The following MMP14 variants were observed in gnomAD, a reference collection of about 807,000 sequenced individuals.
MMP14 encodes the protein matrix metalloproteinase-14.
In MMP14, 13 loss-of-function variants were observed where a neutral mutation model predicts 64.8. The observed-to-expected ratio is 0.20, with a 90% CI of 0.13 to 0.32. The LOEUF (loss-of-function observed/expected upper bound fraction) is 0.32. Ranked by LOEUF, MMP14 falls within the 10% of genes least tolerant of loss-of-function variation. MMP14 has a pLI of 1.00. For missense variants in MMP14, 594 were observed against 783.8 expected, an observed-to-expected ratio of 0.76 and a Z score of 2.89; for synonymous variants, 322 against 315.9, an observed-to-expected ratio of 1.02 and a Z score of -0.20.
intron 6 of MMP14, 135 bp downstream of exon 6, chr14:22,844,005 G>A (rs1226341160): frequency 2.6e-6 from 3 of 1,147,112 alleles, no homozygotes; most frequent in South Asian, 1.4e-5. Flanking sequence ...AGAGCAGGCT[G>A]GCCAACATAG....
In MMP14 at chr14:22,844,642, G is replaced by A. The variant is rs1407824806; in HGVS notation, c.1163G>A (p.Trp388Ter). 6.2e-7 allele frequency: 1 copy of A among 1,613,976 alleles called. No individual in the cohort carries two copies. Among genetic ancestry groups the A allele is most frequent in the East Asian group, 2.2e-5 (1 of 44,886 alleles). ...KFVFFKGDKH[W>*]VFDEASLEPG... Reference sequence around the variant, plus strand: ...CTGTCCTCCCCAGGAGACAAGCATTGGGTGTTTGATGAGGCGTCCCTGGAA... The same window carrying A: ...CTGTCCTCCCCAGGAGACAAGCATTAGGTGTTTGATGAGGCGTCCCTGGAA... Residue 388 changes from tryptophan to a stop codon, truncating the protein, a stop_gained, in exon 8 of 10, where the codon TGG becomes TAG. Coordinates refer to ENST00000311852, the MANE Select transcript of MMP14 (RefSeq NM_004995.4). LOFTEE classifies it high-confidence loss of function.
rs1202609430 is a variant in MMP14, at chr14:22,845,916, G to T, written c.1626G>T (p.Val542=). 2 of 1,608,260 alleles carry T rather than the reference G, an allele frequency of 1.2e-6. No individual in the cohort carries two copies. The highest frequency in any genetic ancestry group is 1.7e-6 in the Non-Finnish European group (2 of 1,177,166). Residue 542 remains valine (V), a synonymous_variant, in exon 10 of 10, where the codon GTG becomes GTT. Transcript: ENST00000311852. ...EGGGAVSAAA[V]VLPVLLLLLV... ...GCGGGGCGGTGAGCGCGGCTGCCGT[G>T]GTGCTGCCCGTGCTGCTGCTGCTCC...
At chr14:22,845,643 C>A in intron 9 of MMP14, 65 bp from the exon 10 acceptor site, 3 of 1,525,692 alleles carry the variant, frequency 2.0e-6, no homozygotes, top group Admixed American at 1.7e-5. Context: ...GAGCTTCCCT[C>A]GCTCCTCTCC....
Position 22,843,664 on chromosome 14 carries a change from C to G in MMP14, c.851-46C>G, listed in dbSNP as rs2039789573. Reference sequence around the variant, plus strand: ...TGCCCATCTGTCTGTCCTTCCGTCCCCGCCTCCTCCTAAGTCTGAAATGCC... The same window carrying G: ...TGCCCATCTGTCTGTCCTTCCGTCCGCGCCTCCTCCTAAGTCTGAAATGCC... On this transcript the variant is annotated intron_variant, in intron 5 of 9. Coordinates refer to ENST00000311852, the MANE Select transcript of MMP14 (RefSeq NM_004995.4). The surrounding 1 kb of genome is among the most constrained non-coding windows in gnomAD (Gnocchi z 4.8). 1 of 1,561,352 alleles carries G rather than the reference C, an allele frequency of 6.4e-7. No individual in the cohort carries two copies. Among genetic ancestry groups the G allele is most frequent in the Non-Finnish European group, 8.7e-7 (1 of 1,155,020 alleles).
rs556604210 is a variant in MMP14, at chr14:22,839,452, G to T, written c.109-2039G>T. On this transcript the variant is annotated intron_variant, in intron 1 of 9. Transcript: ENST00000311852. ...CTTGGCTCCCTCTGGTATACCAAAG[G>T]TTAAATGTCACTCCTTCCTCTACCC... is the stretch of plus-strand genomic sequence containing the variant. Among the ~76,000 whole-genome samples the T allele has an allele frequency of 9.2e-5, 14 of 152,354 alleles. No homozygotes were observed. The South Asian group carries it at 2.9e-3, about 32-fold the overall frequency.
Position 22,845,898 on chromosome 14 carries a change from G to A in MMP14, c.1608G>A (p.Ala536=), listed in dbSNP as rs368884182. Reference sequence around the variant, plus strand: ...AGGTGGACGAGGAGGGCGGCGGGGCGGTGAGCGCGGCTGCCGTGGTGCTGC... The same window carrying A: ...AGGTGGACGAGGAGGGCGGCGGGGCAGTGAGCGCGGCTGCCGTGGTGCTGC... ...IIEVDEEGGG[A]VSAAAVVLPV... Residue 536 remains alanine, a synonymous_variant, in exon 10 of 10, where the codon GCG becomes GCA. Coordinates refer to ENST00000311852, the MANE Select transcript of MMP14 (RefSeq NM_004995.4). 1.2e-5 allele frequency: 20 copies of A among 1,611,906 alleles called. No homozygotes were observed. Among genetic ancestry groups the A allele is most frequent in the Admixed American group, 1.7e-5 (1 of 59,646 alleles).
chr14:22,846,780 T>C lies in MMP14; in HGVS notation c.*741T>C, dbSNP rs1371249741. On this transcript the variant is annotated 3_prime_UTR_variant, in exon 10 of 10. Coordinates refer to ENST00000311852, the MANE Select transcript of MMP14 (RefSeq NM_004995.4). ...GTGCCTCTCGAATGTTAGCCTTGGA[T>C]GGGGCTTTCACAGTTAGAAGAGCTG... 1 of 152,720 alleles carries C rather than the reference T, an allele frequency of 6.5e-6. No individual in the cohort carries two copies. The highest frequency in any genetic ancestry group is 1.5e-5 in the Non-Finnish European group (1 of 68,108). The allele number at this position is 152,720 out of a possible 1,614,324, so 9.5% of individuals were successfully genotyped here. A position where few individuals can be genotyped will look rare whatever the true frequency, so the allele number is the denominator to read the frequency against.
rs1303692306 is a variant in MMP14, at chr14:22,842,819, A to C, written c.688+102A>C. On this transcript the variant is annotated intron_variant, in intron 4 of 9. Transcript: ENST00000311852. The surrounding 1 kb of genome is among the most constrained non-coding windows in gnomAD (Gnocchi z 5.3). ...CAAAATCTCCGGGCTAGAAGGGACC[A>C]CAGAGACCTTCTGATCTAACTTCTG... 7.4e-6 allele frequency: 9 copies of C among 1,219,806 alleles called. No homozygotes were observed. In the East Asian group the frequency reaches 1.9e-4, roughly 26 times the overall value. The allele number at this position is 1,219,806 out of a possible 1,614,324, so 75.6% of individuals were successfully genotyped here. A position where few individuals can be genotyped will look rare whatever the true frequency, so the allele number is the denominator to read the frequency against.
chr14:22,844,411 A>C lies in MMP14; in HGVS notation c.1052A>C (p.Asp351Ala), dbSNP rs2039796837. 6.2e-7 allele frequency: 1 copy of C among 1,613,970 alleles called. No homozygotes were observed. Residue 351 changes from aspartate (D) to alanine (A), a missense_variant, in exon 7 of 10, where the codon GAT becomes GCT. Coordinates refer to ENST00000311852, the MANE Select transcript of MMP14 (RefSeq NM_004995.4). ...CGGGTGAGGAATAACCAAGTGATGG[A>C]TGGATACCCAATGCCCATTGGCCAG... Reference protein sequence around the residue: ...FWRVRNNQVMDGYPMPIGQFW... With the variant: ...FWRVRNNQVMAGYPMPIGQFW...
At position 22,846,051 on chromosome 14, in the gene MMP14, G is replaced by A. The variant is rs56258625; in HGVS notation, c.*12G>A. The A allele has an allele frequency of 1.2e-4, 182 of 1,461,100 alleles. No individual in the cohort carries two copies. Among genetic ancestry groups the A allele is most frequent in the African/African-American group, 4.0e-4 (28 of 70,250 alleles). 90.5% of individuals were successfully genotyped at this position (1,461,100 alleles called of 1,614,324 possible). On this transcript the variant is annotated 3_prime_UTR_variant, in exon 10 of 10. Coordinates refer to ENST00000311852, the MANE Select transcript of MMP14 (RefSeq NM_004995.4). ...TGGACAAGGTCTGACGCCCACCGCC[G>A]GCCCGCCCACTCCTACCACAAGGAC...
chr14:22,839,137 C>T (rs768966414), intron 1 of MMP14, among the ~76,000 whole-genome samples: 2 of 152,220 alleles, frequency 1.3e-5, no homozygotes, highest in Non-Finnish European at 2.9e-5. Flanking sequence ...GGCAAATTCT[C>T]TCAGCTTTGC....
In MMP14 at chr14:22,844,087, C is replaced by T. The variant is rs541874500; in HGVS notation, c.1011+217C>T. On this transcript the variant is annotated intron_variant, in intron 6 of 9. Coordinates refer to ENST00000311852, the MANE Select transcript of MMP14 (RefSeq NM_004995.4). ...TGGTGGGCGCCTATGATCCCAGCTA[C>T]CTGGGAGGCTGAGGCAGGAGAATCA... is the stretch of plus-strand genomic sequence containing the variant. Among the ~76,000 whole-genome samples, 9 of 152,116 alleles carry T rather than the reference C, an allele frequency of 5.9e-5. 1 individual carries two copies. The South Asian group carries it at 1.9e-3, about 32-fold the overall frequency.
rs201413207 is a variant in MMP14 at position 22,845,801 on chromosome 14, A to G, written c.1511A>G (p.Asp504Gly). The stretch of plus-strand genomic sequence containing the variant: ...GGCTACCCCAAGTCAGCCCTGAGGG[A>G]CTGGATGGGCTGCCCATCGGGAGGC... ...EPGYPKSALR[D>G]WMGCPSGGRP... Residue 504 changes from aspartate (D) to glycine (G), a missense_variant, in exon 10 of 10, where the codon GAC becomes GGC. Physicochemically the swap from Asp to Gly is moderately conservative, Grantham distance 94. Around this residue, in one of 4 missense-constraint regions of MMP14, gnomAD observed 364 missense variants for 425.2 expected, o/e 0.86. Coordinates refer to ENST00000311852, the MANE Select transcript of MMP14 (RefSeq NM_004995.4). 91 of 1,614,006 alleles carry G rather than the reference A, an allele frequency of 5.6e-5. No individual in the cohort carries two copies. The highest frequency in any genetic ancestry group is 1.3e-5 in the African/African-American group (1 of 74,932).
rs577502772 is a variant in MMP14, at chr14:22,839,962, C to CTTTT, written c.109-1508_109-1505dup. On this transcript the variant is annotated intron_variant, in intron 1 of 9. Transcript: ENST00000311852. ...TTCATATATAACTTGGCTTGTTTTA[C>CTTTT]TTTTTTTTTTTTTTTTTTTTTTTTG... Among the ~76,000 whole-genome samples, 113 of 90,802 alleles carry CTTTT rather than the reference C, an allele frequency of 1.2e-3. 3 individuals carry two copies. The highest frequency in any genetic ancestry group is 3.9e-3 in the African/African-American group (76 of 19,520). The allele number at this position is 90,802 out of a possible 152,430, so 59.6% of individuals were successfully genotyped here. A position where few individuals can be genotyped will look rare whatever the true frequency, so the allele number is the denominator to read the frequency against.
In MMP14 at chr14:22,836,978, C is replaced by T. The variant is rs2039737644; in HGVS notation, c.108+53C>T. ...AGTCGCGCCCGCCGGGAGGCGAGCC[C>T]GGGGGTCTCCTAGGGGACAGCCTCT... On this transcript the variant is annotated intron_variant, in intron 1 of 9. Transcript: ENST00000311852. The T allele has an allele frequency of 8.4e-6, 12 of 1,420,284 alleles. No individual in the cohort carries two copies. The South Asian group carries it at 1.3e-4, about 16-fold the overall frequency. The allele number at this position is 1,420,284 out of a possible 1,614,324, so 88.0% of individuals were successfully genotyped here. A position where few individuals can be genotyped will look rare whatever the true frequency, so the allele number is the denominator to read the frequency against.
In MMP14 at chr14:22,842,736, G is replaced by C. The variant is rs1237607805; in HGVS notation, c.688+19G>C. The C allele has an allele frequency of 9.6e-6, 15 of 1,568,174 alleles. No individual in the cohort carries two copies. Among genetic ancestry groups the C allele is most frequent in the Non-Finnish European group, 1.3e-5 (15 of 1,155,218 alleles). On this transcript the variant is annotated intron_variant, in intron 4 of 9. Transcript: ENST00000311852. The surrounding 1 kb of genome is among the most constrained non-coding windows in gnomAD (Gnocchi z 5.3). The stretch of plus-strand genomic sequence containing the variant: ...CTGAATGGTGAGCCAAGTATCCCTG[G>C]GACTTACTCTGGAAAAAGCCAACAG...
chr14:22,841,677 C>G, intron 2 of MMP14, 38 bp downstream of exon 2: 1 of 1,611,696 alleles, frequency 6.2e-7, no homozygotes, highest in Non-Finnish European at 8.5e-7. Context: ...TGCCTAGCAT[C>G]CACTGACAAT....
intron 1 of MMP14, 25 bp downstream of exon 1, chr14:22,836,950 C>T (rs755187986): frequency 4.4e-6 from 7 of 1,588,074 alleles, no homozygotes; most frequent in Non-Finnish European, 6.0e-6. Flanking sequence ...CGGCCCTTCC[C>T]GGAGTCGCGC....
In MMP14 at chr14:22,845,860, G is replaced by A; in HGVS notation, c.1570G>A (p.Val524Met). ...TGAGGGGACTGAGGAGGAGACGGAG[G>A]TGATCATCATTGAGGTGGACGAGGA... ...PDEGTEEETEVIIIEVDEEGG... is the reference protein window; with the variant it reads ...PDEGTEEETEMIIIEVDEEGG... Residue 524 changes from valine (V) to methionine (M), a missense_variant, in exon 10 of 10, where the codon GTG (valine) becomes ATG (methionine). Physicochemically the swap from Val to Met is conservative, Grantham distance 21 (BLOSUM62 1). Around this residue, in one of 4 missense-constraint regions of MMP14, gnomAD observed 364 missense variants for 425.2 expected, o/e 0.86. Transcript: ENST00000311852. 2 of 1,614,176 alleles carry A rather than the reference G, an allele frequency of 1.2e-6. No homozygotes were observed. Among genetic ancestry groups the A allele is most frequent in the Non-Finnish European group, 1.7e-6 (2 of 1,180,030 alleles).
Sources: gnomAD v4.1 joint callset for allele counts (sites outside exome capture counted in the v4.1 genomes callset) on GRCh38, gnomAD v4.1.1 for gene constraint, gnomAD v4.1.1 regional missense constraint, Gnocchi (gnomAD v3.1) non-coding constraint, MANE v1.5 for transcripts, NCBI Gene and HGNC (gene_info 2026-07-23, HGNC 2026-07-21) for gene names.